Variants in LRMDA observed in about 807,000 individuals in gnomAD.
LRMDA encodes leucine rich melanocyte differentiation associated.
In LRMDA, 18 loss-of-function variants were observed where a neutral mutation model predicts 29.8. The ratio of observed to expected loss-of-function variants is 0.60; its 90% confidence interval spans 0.42 to 0.90. The LOEUF (loss-of-function observed/expected upper bound fraction) is 0.90. Ranked by LOEUF, LRMDA falls within the 40% of genes least tolerant of loss-of-function variation. The probability of loss-of-function intolerance (pLI) is 0.00; values close to 1 mark genes in which losing one functional copy is unlikely to be tolerated. For synonymous variants in LRMDA, 125 were observed against 109.4 expected (o/e 1.14, Z -0.89); for missense variants, 273 against 273.9 (o/e 1.00, Z 0.02).
chr10:75,779,212 T>C (rs1843348961), intron 2 of LRMDA, among the ~76,000 whole-genome samples: 1 of 152,218 alleles, frequency 6.6e-6, no homozygotes. Flanking sequence ...CTACTGTTTT[T>C]CTCATTTCAG....
At chr10:76,392,498 A>T (rs1441519407) in intron 6 of LRMDA, among the ~76,000 whole-genome samples, 2 of 152,048 alleles carry the variant, frequency 1.3e-5, no homozygotes, top group Non-Finnish European at 2.9e-5. Flanking sequence ...GAATATTTGT[A>T]TTATACTTAC....
chr10:75,616,231 T>TAGCAGCAGCAGC (rs1332339686), intron 2 of LRMDA, among the ~76,000 whole-genome samples: 2 of 146,742 alleles, frequency 1.4e-5, no homozygotes, highest in African/African-American at 5.5e-5. Context: ...AGAACAGTAA[T>TAGCAGCAGCAGC]AGTAGCAGTA....
intron 2 of LRMDA, among the ~76,000 whole-genome samples, chr10:75,768,071 T>C (rs1433413515): frequency 1.3e-5 from 2 of 152,250 alleles, no homozygotes; most frequent in African/African-American, 4.8e-5. Context: ...CCAGAGGCAC[T>C]GATTTCAGAC....
chr10:76,150,861 G>A (rs1250234480), intron 5 of LRMDA, among the ~76,000 whole-genome samples: 3 of 152,278 alleles, frequency 2.0e-5, no homozygotes, highest in Middle Eastern at 3.4e-3. Context: ...TTAGATAAGC[G>A]CCAAATGCTG....
chr10:75,682,952 C>T (rs756208685), intron 2 of LRMDA, among the ~76,000 whole-genome samples: 12 of 152,302 alleles, frequency 7.9e-5, no homozygotes, highest in Middle Eastern at 3.4e-3. Context: ...TAAAGCATAT[C>T]CATCCCCAGG....
intron 2 of LRMDA, among the ~76,000 whole-genome samples, chr10:75,833,803 G>C (rs541223127): frequency 2.0e-5 from 3 of 152,266 alleles, no homozygotes; most frequent in African/African-American, 7.2e-5. Context: ...ATACAGTGAT[G>C]GGACAGGCAC....
intron 5 of LRMDA, among the ~76,000 whole-genome samples, chr10:76,062,408 T>C (rs1469364140): frequency 6.6e-6 from 1 of 152,110 alleles, no homozygotes. Context: ...TGCAGAACCA[T>C]CCAGGAGGTA....
At chr10:75,580,601 G>A (rs1037002814) in intron 2 of LRMDA, among the ~76,000 whole-genome samples, 1 of 152,108 alleles carries the variant, frequency 6.6e-6, no homozygotes, top group Admixed American at 6.5e-5. Flanking sequence ...AAAAGAGCCC[G>A]CATAGCCAAG....
chr10:75,443,072 T>C (rs1361295338), intron 2 of LRMDA, among the ~76,000 whole-genome samples: 1 of 152,182 alleles, frequency 6.6e-6, no homozygotes, highest in African/African-American at 2.4e-5. Flanking sequence ...TCCTGCAACT[T>C]TACTGAATTT....
At chr10:76,190,080 C>T (rs1032457161) in intron 5 of LRMDA, among the ~76,000 whole-genome samples, 1 of 152,180 alleles carries the variant, frequency 6.6e-6, no homozygotes, top group African/African-American at 2.4e-5. Flanking sequence ...GAGACTGTCA[C>T]AAGCTCAAGG....
intron 5 of LRMDA, among the ~76,000 whole-genome samples, chr10:76,203,987 A>G (rs1851484492): frequency 8.2e-6 from 1 of 121,422 alleles, no homozygotes; most frequent in South Asian, 2.7e-4. Context: ...ACCCATCTCT[A>G]TTCCATGTGC....
chr10:76,243,738 C>T (rs755978579), intron 5 of LRMDA, among the ~76,000 whole-genome samples: 11 of 152,242 alleles, frequency 7.2e-5, no homozygotes, highest in East Asian at 1.9e-4. Context: ...AATCTGACAA[C>T]GTAGTGAGAA....
chr10:76,146,166 C>T (rs1285495176), intron 5 of LRMDA, among the ~76,000 whole-genome samples: 14 of 152,088 alleles, frequency 9.2e-5, no homozygotes, highest in Admixed American at 4.6e-4. Context: ...ATGTATATTC[C>T]GTTGATTTGG....
At position 76,036,144 on chromosome 10, in the gene LRMDA, C is replaced by G. The variant is rs1186953826; in HGVS notation, c.258+10C>G. 6.2e-7 allele frequency: 1 copy of G among 1,611,010 alleles called. No homozygotes were observed. Among genetic ancestry groups the G allele is most frequent in the Non-Finnish European group, 8.5e-7 (1 of 1,179,170 alleles). ...CCTCAACAAGAACCGAATATCCTTT[C>G]CTCTGCCCGCTGCCCCCACTCCCCA... is the stretch of plus-strand genomic sequence containing the variant. On this transcript the variant is annotated intron_variant, in intron 3 of 6. Coordinates refer to ENST00000611255, the MANE Select transcript of LRMDA (RefSeq NM_001305581.2).
intron 2 of LRMDA, among the ~76,000 whole-genome samples, chr10:75,825,527 A>G (rs965283081): frequency 6.6e-6 from 1 of 152,220 alleles, no homozygotes; most frequent in African/African-American, 2.4e-5. Flanking sequence ...CTGGAGATGC[A>G]TGGCATTTTA....
intron 2 of LRMDA, among the ~76,000 whole-genome samples, chr10:75,884,822 T>C (rs1845356671): frequency 6.6e-6 from 1 of 152,216 alleles, no homozygotes; most frequent in Admixed American, 6.5e-5. Context: ...ATGGAAGTCA[T>C]GAGCATCATT....
At chr10:76,303,113 T>C (rs941738949) in intron 5 of LRMDA, among the ~76,000 whole-genome samples, 1 of 152,194 alleles carries the variant, frequency 6.6e-6, no homozygotes, top group African/African-American at 2.4e-5. Context: ...GCTGAACTCT[T>C]TGATGTGACT....
At chr10:76,009,774 G>C (rs1013412027) in intron 2 of LRMDA, among the ~76,000 whole-genome samples, 6 of 152,058 alleles carry the variant, frequency 3.9e-5, no homozygotes, top group Admixed American at 3.9e-4. Context: ...AAATATCCCA[G>C]TCTGACTTCA....
At chr10:76,365,071 T>TATATACAC (rs1256120614) in intron 6 of LRMDA, among the ~76,000 whole-genome samples, 1 of 91,512 alleles carries the variant, frequency 1.1e-5, no homozygotes, top group African/African-American at 4.3e-5. Context: ...CGTATATATA[T>TATATACAC]ACACACACAC....
Sources: gnomAD v4.1 joint callset for allele counts (sites outside exome capture counted in the v4.1 genomes callset) on GRCh38, gnomAD v4.1.1 for gene constraint, MANE v1.5 for transcripts, NCBI Gene and HGNC (gene_info 2026-07-23, HGNC 2026-07-21) for gene names.